Variants in CELSR1 observed in about 807,000 individuals in gnomAD.
CELSR1 encodes the protein cadherin EGF LAG seven-pass G-type receptor 1, also known as adhesion G protein-coupled receptor C1.
CELSR1 carries 110 observed loss-of-function variants against 249.1 expected under a neutral mutation model. The ratio of observed to expected loss-of-function variants is 0.44; its 90% CI spans 0.38 to 0.52. The LOEUF is 0.52. Ranked by LOEUF, CELSR1 falls within the 20% of genes least tolerant of loss-of-function variation. The pLI, the probability that CELSR1 is intolerant of heterozygous loss-of-function variation, is 0.00. For synonymous variants in CELSR1, 2,113 were observed against 1,900.0 expected (o/e 1.11, Z -2.92); for missense variants, 4,109 against 4,296.4 (o/e 0.96, Z 1.22).
intron 28 of CELSR1, among the ~76,000 whole-genome samples, chr22:46,367,443 T>C (rs2078798246): frequency 6.6e-6 from 1 of 152,222 alleles, no homozygotes; most frequent in African/African-American, 2.4e-5. Context: ...CCACTTGCTG[T>C]GTGGCCCTTG....
rs1569175029 is a variant in CELSR1 at position 46,454,679 on chromosome 22, C to T, written c.4183+9028G>A. Among the ~76,000 whole-genome samples the T allele has an allele frequency of 2.0e-5, 3 of 152,216 alleles. No homozygotes were observed. Among genetic ancestry groups the T allele is most frequent in the Non-Finnish European group, 2.9e-5 (2 of 68,030 alleles). ...ACCTCCAAGCTGTCCGGGTGGGACGCGGGAAACCCTCTGCTCCTGCGCTTA... is the reference window on the plus strand; with the variant it reads ...ACCTCCAAGCTGTCCGGGTGGGACGTGGGAAACCCTCTGCTCCTGCGCTTA... On this transcript the variant is annotated intron_variant, in intron 2 of 34. Transcript: ENST00000674500. The surrounding 1 kb of genome is among the most constrained non-coding windows in gnomAD (Gnocchi z 5.1).
intron 1 of CELSR1, among the ~76,000 whole-genome samples, chr22:46,525,233 G>A (rs1189868640): frequency 3.9e-5 from 6 of 152,226 alleles, no homozygotes. Flanking sequence ...CAGATCACCT[G>A]AGGTCGGGAG....
intron 17 of CELSR1, 94 bp from the exon 18 acceptor site, chr22:46,389,593 G>C: frequency 2.3e-6 from 3 of 1,308,880 alleles, no homozygotes; most frequent in Non-Finnish European, 3.2e-6. Context: ...TCTGGTGCAA[G>C]TTTCCTTGTC....
rs1339813522 is a variant in CELSR1, at chr22:46,433,874, G to A, written c.4523-393C>T. On this transcript the variant is annotated intron_variant, in intron 4 of 34. Transcript: ENST00000674500. This position sits in a 1 kb window ranked among gnomAD's most constrained non-coding sequence, Gnocchi z 5.7. ...TAATTTTTGTATTTTTAGTAGAGAT[G>A]GGGTTTCACCATGTTGGCTAGTCTA... Among the ~76,000 whole-genome samples, 5 of 152,112 alleles carry A rather than the reference G, an allele frequency of 3.3e-5. No individual in the cohort carries two copies. Among genetic ancestry groups the A allele is most frequent in the Non-Finnish European group, 7.3e-5 (5 of 68,028 alleles).
At chr22:46,524,234 G>C (rs1212092080) in intron 1 of CELSR1, among the ~76,000 whole-genome samples, 2 of 152,218 alleles carry the variant, frequency 1.3e-5, no homozygotes, top group Non-Finnish European at 2.9e-5. Context: ...GACGATGCAG[G>C]CACAGACTGA....
intron 4 of CELSR1, among the ~76,000 whole-genome samples, chr22:46,435,228 A>G (rs901621046): frequency 2.7e-5 from 4 of 149,042 alleles, no homozygotes; most frequent in Non-Finnish European, 5.9e-5. Context: ...CTAGGATTAC[A>G]GGCATGAGCC....
intron 1 of CELSR1, among the ~76,000 whole-genome samples, chr22:46,469,643 G>A (rs1441568853): frequency 2.6e-5 from 4 of 151,930 alleles, no homozygotes; most frequent in African/African-American, 9.7e-5. Flanking sequence ...AGTCTCCCAA[G>A]TAGCTGGGAT....
rs369182913 is a variant in CELSR1 at position 46,459,171 on chromosome 22, A to C, written c.4183+4536T>G. 1.6e-3 allele frequency among the ~76,000 whole-genome samples: 248 copies of C among 152,226 alleles called. 1 individual carries two copies. The highest frequency in any genetic ancestry group is 2.2e-3 in the Non-Finnish European group (148 of 68,016). ...CCAAAGTGCTGGGATTACAGATGTG[A>C]GCCACCGTGCCCAGCCGGTTCCCAT... On this transcript the variant is annotated intron_variant, in intron 2 of 34. Coordinates refer to ENST00000674500, the MANE Select transcript of CELSR1 (RefSeq NM_001378328.1).
At chr22:46,455,261 G>A (rs564334591) in intron 2 of CELSR1, among the ~76,000 whole-genome samples, 90 of 152,072 alleles carry the variant, frequency 5.9e-4, no homozygotes, top group Admixed American at 2.0e-4. Flanking sequence ...ACAGAGTCTC[G>A]CTCTGTCGCC....
rs1481961974 is a variant in CELSR1 at position 46,518,915 on chromosome 22, C to T, written c.3544+14712G>A. 6.6e-6 allele frequency among the ~76,000 whole-genome samples: 1 copy of T among 152,100 alleles called. No homozygotes were observed. Among genetic ancestry groups the T allele is most frequent in the Admixed American group, 6.5e-5 (1 of 15,274 alleles). ...GGACGTGGTGGCGCATGCCTGTAATCCCAGCTACTCGGGAGGCAGAGGCAG... is the reference window on the plus strand; with the variant it reads ...GGACGTGGTGGCGCATGCCTGTAATTCCAGCTACTCGGGAGGCAGAGGCAG... On this transcript the variant is annotated intron_variant, in intron 1 of 34. Transcript: ENST00000674500. This position sits in a 1 kb window ranked among gnomAD's most constrained non-coding sequence, Gnocchi z 5.2.
At position 46,537,194 on chromosome 22, in the gene CELSR1, G is replaced by C. The variant is rs2080868682; in HGVS notation, c.-24C>G. 18 of 1,017,464 alleles carry C rather than the reference G, an allele frequency of 1.8e-5. No individual in the cohort carries two copies. The highest frequency in any genetic ancestry group is 2.1e-5 in the Non-Finnish European group (18 of 852,932). 63.0% of individuals were successfully genotyped at this position (1,017,464 alleles called of 1,614,324 possible). A position where few individuals can be genotyped will look rare whatever the true frequency, so the allele number is the denominator to read the frequency against. The stretch of plus-strand genomic sequence containing the variant: ...ATGGCCCGGAGCCCGAGCCCGAGCC[G>C]GGCGCCCGAACACAATCCATGCACC... On this transcript the variant is annotated 5_prime_UTR_variant, in exon 1 of 35. Coordinates refer to ENST00000674500, the MANE Select transcript of CELSR1 (RefSeq NM_001378328.1). The surrounding 1 kb of genome is among the most constrained non-coding windows in gnomAD (Gnocchi z 5.8).
chr22:46,364,640 AC>A lies in CELSR1; in HGVS notation c.8650del (p.Val2884TrpfsTer46), dbSNP rs1448896220. On this transcript the variant is annotated frameshift_variant, in exon 33 of 35. Coordinates refer to ENST00000674500, the MANE Select transcript of CELSR1 (RefSeq NM_001378328.1). LOFTEE classifies it high-confidence loss of function. ...EDPSGKPRLK[V>X]ETKVSVELHR... is the part of the protein sequence containing the mutation. ...CAGCTCCACGCTGACCTTGGTCTCC[AC>A]CTTCAGGCGGGGCTTGCCGCTGGGG... 1 of 1,612,464 alleles carries A rather than the reference AC, an allele frequency of 6.2e-7. No homozygotes were observed. The highest frequency in any genetic ancestry group is 8.5e-7 in the Non-Finnish European group (1 of 1,179,888).
chr22:46,519,141 A>T (rs2080659343), intron 1 of CELSR1, among the ~76,000 whole-genome samples: 1 of 152,104 alleles, frequency 6.6e-6, no homozygotes, highest in African/African-American at 2.4e-5. Flanking sequence ...ACAAAAGCCC[A>T]CGGGTTGGGG....
intron 3 of CELSR1, among the ~76,000 whole-genome samples, chr22:46,438,366 C>G (rs2079692191): frequency 6.6e-6 from 1 of 152,090 alleles, no homozygotes; most frequent in African/African-American, 2.4e-5. Context: ...CGCCCCCCAA[C>G]CCGGCCCCTC....
In CELSR1 at chr22:46,535,803, G is replaced by A. The variant is rs147609588; in HGVS notation, c.1368C>T (p.Tyr456=). The A allele has an allele frequency of 1.4e-4, 228 of 1,612,270 alleles. 4 individuals are homozygous for A. In the East Asian group the frequency reaches 5.0e-3, roughly 35 times the overall value. ...CGTAGTTCTGCTCGCTGAACTGGGG[G>A]TAGTTGTCGTTCTCGTCCTCCACCT... ...YIEVEDENDN[Y]PQFSEQNYVV... Residue 456 remains tyrosine, a synonymous_variant, in exon 1 of 35, where the codon TAC becomes TAT. Coordinates refer to ENST00000674500, the MANE Select transcript of CELSR1 (RefSeq NM_001378328.1).
intron 24 of CELSR1, among the ~76,000 whole-genome samples, chr22:46,376,030 A>C (rs913537517): frequency 6.6e-6 from 1 of 152,208 alleles, no homozygotes; most frequent in Admixed American, 6.5e-5. Context: ...CTGATGTTAC[A>C]GGGGATGCCT....
chr22:46,486,757 C>T (rs552044154), intron 1 of CELSR1, among the ~76,000 whole-genome samples: 1 of 149,806 alleles, frequency 6.7e-6, no homozygotes, highest in African/African-American at 2.5e-5. Context: ...GCAGGATAAT[C>T]GCTTGAACCC....
rs773781471 is a variant in CELSR1 at position 46,411,706 on chromosome 22, G to A, written c.4665C>T (p.Ala1555=). 2.0e-5 allele frequency: 33 copies of A among 1,614,092 alleles called. No homozygotes were observed. In the East Asian group the frequency reaches 3.6e-4, roughly 17 times the overall value. Reference sequence around the variant, plus strand: ...TGTCACAATCATCCACTGTCACCACGGCCATCTTTTCCCCGGACGGCCCAT... The same window carrying A: ...TGTCACAATCATCCACTGTCACCACAGCCATCTTTTCCCCGGACGGCCCAT... ...LPHGPSGEKM[A]VVTVDDCDTT... is the part of the protein sequence containing the mutation. Residue 1555 remains alanine (A), a synonymous_variant, in exon 6 of 35, where the codon GCC becomes GCT. Transcript: ENST00000674500. This position sits in a 1 kb window ranked among gnomAD's most constrained non-coding sequence, Gnocchi z 4.2.
In CELSR1 at chr22:46,430,999, A is replaced by G. The variant is rs2079589011; in HGVS notation, c.4611+2394T>C. Among the ~76,000 whole-genome samples the G allele has an allele frequency of 2.0e-5, 3 of 152,352 alleles. No homozygotes were observed. The highest frequency in any genetic ancestry group is 2.1e-4 in the South Asian group (1 of 4,826). ...AAAAACTGGTTGGTTTCCTCCATCAAATAACCTCAGGCAAGAGAGAGAAGT... is the reference window on the plus strand; with the variant it reads ...AAAAACTGGTTGGTTTCCTCCATCAGATAACCTCAGGCAAGAGAGAGAAGT... On this transcript the variant is annotated intron_variant, in intron 5 of 34. Transcript: ENST00000674500. This position sits in a 1 kb window ranked among gnomAD's most constrained non-coding sequence, Gnocchi z 4.6.
Sources: allele counts gnomAD v4.1 joint callset (sites outside exome capture counted in the v4.1 genomes callset), GRCh38; gene constraint gnomAD v4.1.1; non-coding constraint Gnocchi (gnomAD v3.1); transcripts MANE v1.5; gene names NCBI Gene and HGNC (gene_info 2026-07-23, HGNC 2026-07-21).